SLCO1C1: variants seen among roughly 807,000 people sequenced by gnomAD.
SLCO1C1 encodes the protein OAT-RP-5.
Under a neutral mutation model 76.4 loss-of-function variants are expected in SLCO1C1, and 70 were observed. That is an observed-to-expected ratio of 0.92 (90% CI 0.76 to 1.12). The LOEUF (loss-of-function observed/expected upper bound fraction) is 1.12. Ranked by LOEUF, SLCO1C1 falls within the 50% of genes most tolerant of loss-of-function variation. The pLI, the probability that SLCO1C1 is intolerant of heterozygous loss-of-function variation, is 0.00. For synonymous variants in SLCO1C1, 306 were observed against 286.1 expected (o/e 1.07, Z -0.70); for missense variants, 912 against 823.8 (o/e 1.11, Z -1.31).
intron 9 of SLCO1C1, among the ~76,000 whole-genome samples, chr12:20,724,409 GTGTATA>G (rs146510355): frequency 0.078 from 4,908 of 63,214 alleles, 157 homozygotes; most frequent in East Asian, 0.087. Flanking sequence ...GTGTGTGTGT[GTGTATA>G]TATATATATA....
chr12:20,713,119 G>T (rs1425618567), intron 5 of SLCO1C1, among the ~76,000 whole-genome samples: 3 of 144,240 alleles, frequency 2.1e-5, no homozygotes, highest in Admixed American at 1.4e-4. Flanking sequence ...TCGCTCTGTC[G>T]CCCAGGCTGG....
At chr12:20,704,411 T>C (rs1946678700) in intron 3 of SLCO1C1, among the ~76,000 whole-genome samples, 1 of 151,772 alleles carries the variant, frequency 6.6e-6, no homozygotes, top group African/African-American at 2.4e-5. Context: ...ATGTCAACTT[T>C]CATTTTATGT....
chr12:20,745,818 C>T (rs1949018753), intron 13 of SLCO1C1, among the ~76,000 whole-genome samples: 1 of 150,934 alleles, frequency 6.6e-6, no homozygotes, highest in South Asian at 2.1e-4. Flanking sequence ...AAGCAAGTCT[C>T]CATCTAATAA....
intron 12 of SLCO1C1, among the ~76,000 whole-genome samples, chr12:20,741,356 A>G (rs1196305545): frequency 6.6e-6 from 1 of 152,200 alleles, no homozygotes; most frequent in Non-Finnish European, 1.5e-5. Flanking sequence ...GCATATTTAT[A>G]AATTGACACA....
At chr12:20,730,313 G>A (rs776534706) in intron 9 of SLCO1C1, among the ~76,000 whole-genome samples, 62 of 152,234 alleles carry the variant, frequency 4.1e-4, no homozygotes, top group African/African-American at 1.3e-3. Context: ...ATGTATGTGC[G>A]TGTGTAAAAG....
At position 20,752,652 on chromosome 12, in the gene SLCO1C1, G is replaced by A; in HGVS notation, c.*124G>A. On this transcript the variant is annotated 3_prime_UTR_variant, in exon 15 of 15. Coordinates refer to ENST00000266509, the MANE Select transcript of SLCO1C1 (RefSeq NM_017435.5). ...TTTCAAAAAATGTCTACTTTGTTTT[G>A]GTCCTAGGCATTAGGTAATATAACT... 1 of 756,366 alleles carries A rather than the reference G, an allele frequency of 1.3e-6. No homozygotes were observed. Among genetic ancestry groups the A allele is most frequent in the Non-Finnish European group, 2.0e-6 (1 of 490,574 alleles). The allele number at this position is 756,366 out of a possible 1,614,324, so 46.9% of individuals were successfully genotyped here. A position where few individuals can be genotyped will look rare whatever the true frequency, so the allele number is the denominator to read the frequency against.
At chr12:20,715,319 G>C in intron 6 of SLCO1C1, 34 bp downstream of exon 6, 1 of 1,607,194 alleles carries the variant, frequency 6.2e-7, no homozygotes. Context: ...TTATCTTCTT[G>C]GGAAGCAGGG....
chr12:20,699,700 C>G lies in SLCO1C1; in HGVS notation c.124C>G (p.Leu42Val). Residue 42 changes from leucine (L) to valine (V), a missense_variant, in exon 2 of 15, where the codon CTA (leucine) becomes GTA (valine). Physicochemically the swap from Leu to Val is conservative, Grantham distance 32. Transcript: ENST00000266509. ...SEEKQPCCGE[L>V]KVFLCALSFV... ...AGAAAAGCAACCATGCTGTGGTGAA[C>G]TAAAGGTAGAGCAACCAAGAAGTAA... The G allele has an allele frequency of 6.2e-7, 1 of 1,608,052 alleles. No individual in the cohort carries two copies. The highest frequency in any genetic ancestry group is 1.3e-5 in the African/African-American group (1 of 74,398).
At chr12:20,734,839 C>T (rs1948467988) in intron 10 of SLCO1C1, among the ~76,000 whole-genome samples, 1 of 152,168 alleles carries the variant, frequency 6.6e-6, no homozygotes, top group African/African-American at 2.4e-5. Flanking sequence ...AGTAATGCTA[C>T]TGTTGTTTAA....
Position 20,699,583 on chromosome 12 carries a change from A to C in SLCO1C1, c.7A>C (p.Thr3Pro). 6.2e-7 allele frequency: 1 copy of C among 1,610,718 alleles called. No individual in the cohort carries two copies. The highest frequency in any genetic ancestry group is 8.5e-7 in the Non-Finnish European group (1 of 1,178,488). ...GTCAAGGAATGTGTTTATAATGGAC[A>C]CTTCATCCAAAGAAAATATCCAGTT... Reference protein sequence around the residue: MDTSSKENIQLFC... With the variant: MDPSSKENIQLFC... Residue 3 changes from threonine to proline, a missense_variant, in exon 2 of 15, where the codon ACT (threonine) becomes CCT (proline). By Grantham distance (38) the Thr-to-Pro change is conservative. Coordinates refer to ENST00000266509, the MANE Select transcript of SLCO1C1 (RefSeq NM_017435.5).
Position 20,740,338 on chromosome 12 carries a change from G to A in SLCO1C1, c.1703G>A (p.Gly568Asp). The change falls in exon 12 of 15, where the codon GGT becomes GAT. Residue 568 changes from glycine (G) to aspartate (D), a missense_variant. By Grantham distance (94) the Gly-to-Asp change is moderately conservative (BLOSUM62 -1). Transcript: ENST00000266509. ...SVITSYTLSL[G>D]GIPGYILLLR... ...ATCACATCCTATACTTTATCCCTAGGTGGCATACCTGGATACATATTACTT... is the reference window on the plus strand; with the variant it reads ...ATCACATCCTATACTTTATCCCTAGATGGCATACCTGGATACATATTACTT... 2 of 1,613,304 alleles carry A rather than the reference G, an allele frequency of 1.2e-6. No individual in the cohort carries two copies. The highest frequency in any genetic ancestry group is 1.7e-6 in the Non-Finnish European group (2 of 1,179,724).
chr12:20,751,832 T>A (rs952437771), intron 14 of SLCO1C1, among the ~76,000 whole-genome samples: 5 of 152,168 alleles, frequency 3.3e-5, no homozygotes, highest in African/African-American at 9.6e-5. Flanking sequence ...CTGAAATCAT[T>A]CTGCTTTACT....
intron 11 of SLCO1C1, 83 bp downstream of exon 11, chr12:20,737,355 A>ACTACTAGTAAGAGGCAAGCCTC: frequency 2.9e-6 from 4 of 1,383,346 alleles, no homozygotes; most frequent in Non-Finnish European, 3.8e-6. Context: ...ACAGCAGACC[A>ACTACTAGTAAGAGGCAAGCCTC]CTACTAGTAG....
intron 12 of SLCO1C1, among the ~76,000 whole-genome samples, chr12:20,743,086 T>C (rs1948893934): frequency 6.6e-6 from 1 of 152,216 alleles, no homozygotes; most frequent in Non-Finnish European, 1.5e-5. Context: ...GTGATGTAGT[T>C]TCTAGAAATA....
intron 2 of SLCO1C1, 26 bp from the exon 3 acceptor site, chr12:20,701,292 T>G (rs1381950011): frequency 6.8e-7 from 1 of 1,467,512 alleles, no homozygotes; most frequent in Non-Finnish European, 9.2e-7. Flanking sequence ...GGAGTCAGAC[T>G]AAGTGTGACC....
rs1949378179 is a variant in SLCO1C1, at chr12:20,752,909, TA to T, written c.*383del. 1 of 153,702 alleles carries T rather than the reference TA, an allele frequency of 6.5e-6. No individual in the cohort carries two copies. Among genetic ancestry groups the T allele is most frequent in the Non-Finnish European group, 1.4e-5 (1 of 69,154 alleles). 9.5% of individuals were successfully genotyped at this position (153,702 alleles called of 1,614,324 possible). ...TGTGTCTAGAGTAAGCAAATACTGC[TA>T]ACAATTAACTCATACCTTGGGTTCC... On this transcript the variant is annotated 3_prime_UTR_variant, in exon 15 of 15. Coordinates refer to ENST00000266509, the MANE Select transcript of SLCO1C1 (RefSeq NM_017435.5).
intron 1 of SLCO1C1, among the ~76,000 whole-genome samples, 179 bp downstream of exon 1, chr12:20,695,986 A>G (rs1375394854): frequency 6.6e-6 from 1 of 152,008 alleles, no homozygotes; most frequent in Non-Finnish European, 1.5e-5. Context: ...AATCAGATAA[A>G]CTCAAATTTG....
chr12:20,744,826 C>A (rs7311073), intron 13 of SLCO1C1, among the ~76,000 whole-genome samples: 1 of 151,704 alleles, frequency 6.6e-6, no homozygotes, highest in Admixed American at 6.6e-5. Flanking sequence ...TATGAATAGG[C>A]GCAATAATTG....
intron 4 of SLCO1C1, among the ~76,000 whole-genome samples, chr12:20,710,682 A>G (rs905758553): frequency 6.6e-5 from 10 of 152,148 alleles, no homozygotes; most frequent in African/African-American, 2.4e-4. Flanking sequence ...AAAAAGCAGA[A>G]TCTTATCAGG....
Sources: allele counts gnomAD v4.1 joint callset (sites outside exome capture counted in the v4.1 genomes callset), GRCh38; gene constraint gnomAD v4.1.1; transcripts MANE v1.5; gene names NCBI Gene and HGNC (gene_info 2026-07-23, HGNC 2026-07-21).